The following PLXNA4 variants were observed in gnomAD, a reference collection of about 807,000 sequenced individuals.
PLXNA4 encodes plexin-A4.
A neutral mutation model predicts 191.8 loss-of-function variants in PLXNA4; 44 were observed. The ratio of observed to expected loss-of-function variants is 0.23; its 90% CI spans 0.18 to 0.29. PLXNA4 has a LOEUF of 0.29. PLXNA4 is among the 10% of genes least tolerant of loss of function. PLXNA4 has a pLI of 1.00. For missense variants in PLXNA4, 1,800 were observed against 2,488.8 expected (o/e 0.72, Z 5.89); for synonymous variants, 1,082 against 1,009.5 (o/e 1.07, Z -1.36).
intron 4 of PLXNA4, among the ~76,000 whole-genome samples, chr7:132,287,557 G>A (rs1800727698): frequency 6.6e-6 from 1 of 151,998 alleles, no homozygotes; most frequent in African/African-American, 2.4e-5. Flanking sequence ...TCCGTGATCT[G>A]TTCATGACCC....
chr7:132,250,860 C>T (rs145657999), intron 4 of PLXNA4, among the ~76,000 whole-genome samples: 11 of 152,304 alleles, frequency 7.2e-5, no homozygotes, highest in African/African-American at 2.6e-4. Context: ...ATTTGATACC[C>T]AGTCCCTAGA....
Position 132,179,895 on chromosome 7 carries a change from G to T in PLXNA4, c.3666C>A (p.Ser1222=). ...CCGGGGCAATGTACACCATCCCCGG[G>T]GAGTACTCCATGCCACCGACACGGG... ...VMARVGGMEY[S]PGMVYIAPDS... is the part of the protein sequence containing the mutation. Residue 1222 remains serine (S), a synonymous_variant, in exon 20 of 32, where the codon TCC becomes TCA. Transcript: ENST00000321063. 6.2e-7 allele frequency: 1 copy of T among 1,610,542 alleles called. No individual in the cohort carries two copies. Among genetic ancestry groups the T allele is most frequent in the Non-Finnish European group, 8.5e-7 (1 of 1,178,298 alleles).
At chr7:132,500,145 C>T (rs1798186024) in intron 2 of PLXNA4, among the ~76,000 whole-genome samples, 1 of 152,192 alleles carries the variant, frequency 6.6e-6, no homozygotes, top group Admixed American at 6.5e-5. Context: ...TGTCTTGTCA[C>T]CCAAATGCAT....
chr7:132,628,932 A>G (rs1449140052), intron 2 of PLXNA4, among the ~76,000 whole-genome samples: 1 of 152,182 alleles, frequency 6.6e-6, no homozygotes, highest in African/African-American at 2.4e-5. Context: ...ATTCTGTCTC[A>G]TGTTAAAAAT....
chr7:132,581,097 C>A (rs1802394507), upstream of PLXNA4, among the ~76,000 whole-genome samples: 1 of 152,224 alleles, frequency 6.6e-6, no homozygotes, highest in South Asian at 2.1e-4. Flanking sequence ...GAGGGATGGG[C>A]AGCAGCTCTC....
chr7:132,189,636 C>T (rs1797025688), intron 14 of PLXNA4, among the ~76,000 whole-genome samples: 2 of 152,182 alleles, frequency 1.3e-5, no homozygotes, highest in Non-Finnish European at 2.9e-5. Flanking sequence ...TGTCTCAGAA[C>T]TCCAGGGGAG....
chr7:132,307,972 A>C (rs1801593725), intron 3 of PLXNA4, among the ~76,000 whole-genome samples: 2 of 152,142 alleles, frequency 1.3e-5, no homozygotes, highest in Admixed American at 1.3e-4. Context: ...TCTCAGAGCC[A>C]AATAATGATT....
chr7:132,499,751 G>T (rs572373376), intron 2 of PLXNA4, among the ~76,000 whole-genome samples: 6 of 152,296 alleles, frequency 3.9e-5, no homozygotes, highest in African/African-American at 1.4e-4. Context: ...TCACGGCAAT[G>T]TATCTTCCTC....
At chr7:132,480,858 C>A (rs1488720482) in intron 3 of PLXNA4, among the ~76,000 whole-genome samples, 1 of 152,180 alleles carries the variant, frequency 6.6e-6, no homozygotes, top group African/African-American at 2.4e-5. Context: ...AGGCAGGAGT[C>A]CCGTCGTTTC....
intron 7 of PLXNA4, among the ~76,000 whole-genome samples, chr7:132,226,753 G>A (rs1255619416): frequency 1.3e-5 from 2 of 152,186 alleles, no homozygotes; most frequent in East Asian, 3.9e-4. Context: ...GGAGACCCTG[G>A]AATCCTCATC....
intron 25 of PLXNA4, among the ~76,000 whole-genome samples, chr7:132,151,310 G>A (rs1225229582): frequency 2.6e-3 from 91 of 35,528 alleles, no homozygotes; most frequent in Non-Finnish European, 6.7e-3. Context: ...GGAGGAGGAA[G>A]AAGGAGGAGG....
intron 4 of PLXNA4, among the ~76,000 whole-genome samples, chr7:132,249,187 C>A (rs1351687639): frequency 6.6e-6 from 1 of 152,226 alleles, no homozygotes; most frequent in Non-Finnish European, 1.5e-5. Context: ...ATTTTTCATG[C>A]CTCACTGGAT....
chr7:132,375,485 G>C (rs1249769030), intron 3 of PLXNA4, among the ~76,000 whole-genome samples: 2 of 152,282 alleles, frequency 1.3e-5, no homozygotes, highest in East Asian at 3.9e-4. Context: ...TGTGGCACTG[G>C]AGACCCAAAG....
chr7:132,268,938 G>A (rs1334457525), intron 4 of PLXNA4, among the ~76,000 whole-genome samples: 3 of 152,198 alleles, frequency 2.0e-5, no homozygotes, highest in African/African-American at 7.2e-5. Flanking sequence ...TTCATTTAGG[G>A]CTGGTGAAAG....
At chr7:132,589,105 T>C (rs370193443) in intron 2 of PLXNA4, among the ~76,000 whole-genome samples, 1 of 152,202 alleles carries the variant, frequency 6.6e-6, no homozygotes, top group African/African-American at 2.4e-5. Context: ...AAAACATTTA[T>C]GGAATGCCTA....
intron 1 of PLXNA4, among the ~76,000 whole-genome samples, chr7:132,509,147 T>C (rs1317929031): frequency 6.2e-5 from 6 of 97,224 alleles, no homozygotes; most frequent in Non-Finnish European, 1.1e-4. Flanking sequence ...CCGCAAAGAC[T>C]GGCTGGAGGA....
chr7:132,337,262 G>A (rs994347865), intron 3 of PLXNA4, among the ~76,000 whole-genome samples: 10 of 152,220 alleles, frequency 6.6e-5, no homozygotes, highest in Non-Finnish European at 1.5e-4. Context: ...CTGTGCATGT[G>A]TGCAGCTATG....
At chr7:132,636,251 T>G (rs1803603380) in intron 2 of PLXNA4, among the ~76,000 whole-genome samples, 1 of 152,182 alleles carries the variant, frequency 6.6e-6, no homozygotes, top group Non-Finnish European at 1.5e-5. Flanking sequence ...CCAAGAGGCT[T>G]CTGGGAGTGC....
At position 132,508,552 on chromosome 7, in the gene PLXNA4, C is replaced by A. The variant is rs139738239; in HGVS notation, c.142G>T (p.Ala48Ser). The change falls in exon 2 of 32, where the codon GCC becomes TCC. Residue 48 changes from alanine (A) to serine (S), a missense_variant. By Grantham distance (99) the Ala-to-Ser change is moderately conservative. Around this residue, in one of 6 missense-constraint regions of PLXNA4, gnomAD observed 1,397 missense variants for 1,880.4 expected, o/e 0.74. Coordinates refer to ENST00000321063, the MANE Select transcript of PLXNA4 (RefSeq NM_020911.2). The surrounding 1 kb of genome is among the most constrained non-coding windows in gnomAD (Gnocchi z 4.4). ...ACCACCAGGTGATTGAAACCCTCGGCGGGCTCTCCTCGGAATGTGACAAAT... is the reference window on the plus strand; with the variant it reads ...ACCACCAGGTGATTGAAACCCTCGGAGGGCTCTCCTCGGAATGTGACAAAT... ...RSFVTFRGEP[A>S]EGFNHLVVDE... is the part of the protein sequence containing the mutation. 2.5e-6 allele frequency: 4 copies of A among 1,614,012 alleles called. No homozygotes were observed. The highest frequency in any genetic ancestry group is 3.4e-6 in the Non-Finnish European group (4 of 1,180,024).
Sources: gnomAD v4.1 joint callset for allele counts (sites outside exome capture counted in the v4.1 genomes callset) on GRCh38, gnomAD v4.1.1 for gene constraint, gnomAD v4.1.1 regional missense constraint, Gnocchi (gnomAD v3.1) non-coding constraint, MANE v1.5 for transcripts, NCBI Gene and HGNC (gene_info 2026-07-23, HGNC 2026-07-21) for gene names.